Variants in PDXDC1 observed in about 807,000 individuals in gnomAD.
PDXDC1 encodes the protein pyridoxal dependent decarboxylase domain containing 1, also known as pyridoxal-dependent decarboxylase domain-containing protein 1.
PDXDC1 carries 42 observed loss-of-function variants against 100.1 expected under a neutral mutation model. The observed-to-expected ratio is 0.42, with a 90% CI of 0.33 to 0.54. The LOEUF (loss-of-function observed/expected upper bound fraction) is 0.54. Among genes scored for constraint, PDXDC1 ranks in the 20% least tolerant of loss-of-function variants. The pLI is 0.10. For missense variants in PDXDC1, 636 were observed against 979.2 expected, an observed-to-expected ratio of 0.65 and a Z score of 4.68; for synonymous variants, 260 against 371.7, an observed-to-expected ratio of 0.70 and a Z score of 3.46.
At chr16:15,084,082 G>A (rs1301874988) in intron 16 of PDXDC1, among the ~76,000 whole-genome samples, 6 of 152,212 alleles carry the variant, frequency 3.9e-5, no homozygotes, top group African/African-American at 1.2e-4. Context: ...ATAAGGTTCT[G>A]TTAACTCTGA....
chr16:15,072,539 C>A (rs1186409891), intron 16 of PDXDC1, among the ~76,000 whole-genome samples: 2 of 152,114 alleles, frequency 1.3e-5, no homozygotes, highest in Non-Finnish European at 2.9e-5. Context: ...CAGTTGTTCA[C>A]ACCTGTAATC....
At chr16:15,088,785 C>G (rs1044521260) in intron 16 of PDXDC1, among the ~76,000 whole-genome samples, 4 of 152,064 alleles carry the variant, frequency 2.6e-5, no homozygotes, top group South Asian at 2.1e-4. Context: ...GATAATAAAT[C>G]TGGGGAACAA....
chr16:15,010,529 A>C (rs1390477338), intron 8 of PDXDC1: 2 of 154,198 alleles, frequency 1.3e-5, no homozygotes, highest in African/African-American at 4.8e-5. Flanking sequence ...AGATTGTTGT[A>C]AAAATTAAAC....
chr16:15,144,712 A>C, the PDXDC1 span, among the ~76,000 whole-genome samples: 1 of 152,180 alleles, frequency 6.6e-6, no homozygotes, highest in African/African-American at 2.4e-5. Context: ...CGGGACCCAC[A>C]GGCAGGCACA....
chr16:15,036,107 G>C lies in PDXDC1; in HGVS notation c.2199G>C (p.Glu733Asp). 1 of 1,614,142 alleles carries C rather than the reference G, an allele frequency of 6.2e-7. No individual in the cohort carries two copies. Among genetic ancestry groups the C allele is most frequent in the Non-Finnish European group, 8.5e-7 (1 of 1,180,028 alleles). The change falls in exon 23 of 23, where the codon GAG becomes GAC. Residue 733 changes from glutamate to aspartate, a missense_variant. Coordinates refer to ENST00000396410, the MANE Select transcript of PDXDC1 (RefSeq NM_015027.4). Reference protein sequence around the residue: ...VSHIEDLEKVERLSSGPEQIT... With the variant: ...VSHIEDLEKVDRLSSGPEQIT... ...ACATTGAAGACTTAGAAAAGGTGGA[G>C]CGCCTATCCAGTGGGCCGGAGCAGA...
intron 16 of PDXDC1, among the ~76,000 whole-genome samples, chr16:15,057,729 T>C (rs943518739): frequency 5.3e-5 from 8 of 152,136 alleles, no homozygotes; most frequent in African/African-American, 1.9e-4. Flanking sequence ...ACACTAAAGA[T>C]AGCTATTATT....
At chr16:15,083,614 A>C in intron 16 of PDXDC1, 1 of 1,589,016 alleles carries the variant, frequency 6.3e-7, no homozygotes, top group Non-Finnish European at 8.6e-7. Flanking sequence ...AATCCATGTT[A>C]ACTTTACTTT....
intron 16 of PDXDC1, among the ~76,000 whole-genome samples, chr16:15,082,652 G>A (rs1301654274): frequency 1.3e-5 from 2 of 151,464 alleles, no homozygotes; most frequent in Non-Finnish European, 2.9e-5. Flanking sequence ...CAGCCTGGGT[G>A]ACAGACGGAG....
intron 1 of PDXDC1, among the ~76,000 whole-genome samples, chr16:14,986,609 G>T (rs1258355401): frequency 6.6e-6 from 1 of 152,298 alleles, no homozygotes; most frequent in Non-Finnish European, 1.5e-5. Context: ...TTATACAACA[G>T]AATTAACTGT....
chr16:15,042,927 T>G (rs2043887933), downstream of PDXDC1, among the ~76,000 whole-genome samples: 5 of 136,774 alleles, frequency 3.7e-5, no homozygotes, highest in South Asian at 1.2e-3. Flanking sequence ...TGAGATGGAG[T>G]TTAGCTCTTG....
At chr16:15,148,627 A>G in the PDXDC1 span, among the ~76,000 whole-genome samples, 2 of 150,512 alleles carry the variant, frequency 1.3e-5, no homozygotes, top group African/African-American at 2.5e-5. Flanking sequence ...CAAGCGATCC[A>G]CCCACCCTGG....
intron 10 of PDXDC1, 75 bp downstream of exon 10, chr16:15,017,243 A>G (rs2041860357): frequency 1.2e-6 from 2 of 1,608,560 alleles, no homozygotes; most frequent in African/African-American, 1.3e-5. Flanking sequence ...ATGGCTCTTC[A>G]CAGTTTTTAT....
intron 16 of PDXDC1, among the ~76,000 whole-genome samples, chr16:15,129,544 C>T (rs1292552953): frequency 6.6e-6 from 1 of 152,342 alleles, no homozygotes; most frequent in Non-Finnish European, 1.5e-5. Context: ...GCTGGCGCCT[C>T]CGTCTGAGAG....
At chr16:15,127,496 A>G in intron 16 of PDXDC1, 11 of 1,563,140 alleles carry the variant, frequency 7.0e-6, no homozygotes, top group Non-Finnish European at 9.5e-6. Flanking sequence ...CAGAAGAGAA[A>G]GAGGATGGCC....
chr16:15,097,789 C>T (rs1016456751), intron 16 of PDXDC1, among the ~76,000 whole-genome samples: 5 of 152,144 alleles, frequency 3.3e-5, no homozygotes, highest in Non-Finnish European at 5.9e-5. Flanking sequence ...TAGTCACCAT[C>T]ATGATTTTTA....
chr16:15,130,692 C>G, intron 16 of PDXDC1: 1 of 1,477,400 alleles, frequency 6.8e-7, no homozygotes, highest in South Asian at 1.1e-5. Flanking sequence ...GGACTCTGGG[C>G]GGATCCTCCT....
In PDXDC1 at chr16:15,004,348, A is replaced by T. The variant is rs375672520; in HGVS notation, c.389+15A>T. 14 of 1,613,514 alleles carry T rather than the reference A, an allele frequency of 8.7e-6. No homozygotes were observed. In the East Asian group the frequency reaches 2.9e-4, roughly 33 times the overall value. On this transcript the variant is annotated intron_variant, in intron 5 of 22. Coordinates refer to ENST00000396410, the MANE Select transcript of PDXDC1 (RefSeq NM_015027.4). The stretch of plus-strand genomic sequence containing the variant: ...AGAATTTTCAGGTAAAGACATGATG[A>T]GTTTCCAGTGAAGACTTTTATGAGT...
intron 16 of PDXDC1, among the ~76,000 whole-genome samples, chr16:15,114,153 C>A (rs1383924727): frequency 6.6e-6 from 1 of 150,974 alleles, no homozygotes; most frequent in African/African-American, 2.4e-5. Context: ...GAAAGACTTT[C>A]CCATTTAAGT....
At position 15,102,674 on chromosome 16, in the gene PDXDC1, T is replaced by C. The variant is rs79278443; in HGVS notation, c.1400-36205T>C. Among the ~76,000 whole-genome samples the C allele has an allele frequency of 4.4e-3, 640 of 146,560 alleles. 1 individual carries two copies. Among genetic ancestry groups the C allele is most frequent in the Middle Eastern group, 6.8e-3 (2 of 292 alleles). ...GGGAAACAGCTTAGATAAGGCCAGG[T>C]GTACAGTAGCTCCCACCTGTAATCC... On this transcript the variant is annotated intron_variant, in intron 16 of 16. Coordinates refer to the PDXDC1 transcript ENST00000535621.
Sources: gnomAD v4.1 joint callset for allele counts (sites outside exome capture counted in the v4.1 genomes callset) on GRCh38, gnomAD v4.1.1 for gene constraint, MANE v1.5 for transcripts, NCBI Gene and HGNC (gene_info 2026-07-23, HGNC 2026-07-21) for gene names.